CSGALNACT1: variants seen among roughly 807,000 people sequenced by gnomAD.
The protein encoded by CSGALNACT1 is beta4GalNAcT-1.
Under a neutral mutation model 51.0 loss-of-function variants are expected in CSGALNACT1, and 52 were observed. The ratio of observed to expected loss-of-function variants is 1.02; its 90% confidence interval spans 0.82 to 1.29. The LOEUF (loss-of-function observed/expected upper bound fraction) is 1.29, where lower values mean the gene tolerates loss of function less well. Among genes scored for constraint, CSGALNACT1 ranks in the 50% most tolerant of loss-of-function variants. The pLI is 0.00. For synonymous variants in CSGALNACT1, 341 were observed against 254.4 expected (o/e 1.34, Z -3.24); for missense variants, 935 against 679.2 (o/e 1.38, Z -4.19).
Position 19,589,075 on chromosome 8 carries a change from C to CTA in CSGALNACT1, c.-297+2083_-297+2084dup, listed in dbSNP as rs559481578. On this transcript the variant is annotated intron_variant, in intron 3 of 9. Coordinates refer to ENST00000454498, the Ensembl canonical transcript of CSGALNACT1. ...GCTCTTGACAGCAAAGATCGGCTGA[C>CTA]TATGTTTGTGGTCCTTTCCCATATG... Among the ~76,000 whole-genome samples the CTA allele has an allele frequency of 1.3e-3, 198 of 152,242 alleles. 1 individual carries two copies. Among genetic ancestry groups the CTA allele is most frequent in the African/African-American group, 4.2e-3 (174 of 41,532 alleles).
At chr8:19,638,029 C>G (rs1374120827) in intron 1 of CSGALNACT1, among the ~76,000 whole-genome samples, 1 of 152,128 alleles carries the variant, frequency 6.6e-6, no homozygotes, top group Admixed American at 6.5e-5. Context: ...CTTTTGTCAA[C>G]TGATATGAGG....
intron 3 of CSGALNACT1, among the ~76,000 whole-genome samples, chr8:19,542,460 C>T (rs1434269376): frequency 1.3e-5 from 2 of 152,132 alleles, no homozygotes; most frequent in Non-Finnish European, 2.9e-5. Context: ...GACAGTCTCC[C>T]AGTCCCAGAG....
At chr8:19,653,219 G>C (rs1410331466) in intron 1 of CSGALNACT1, among the ~76,000 whole-genome samples, 1 of 152,060 alleles carries the variant, frequency 6.6e-6, no homozygotes, top group Non-Finnish European at 1.5e-5. Context: ...ATTCCCAATG[G>C]ATGGTCACCT....
upstream of CSGALNACT1, among the ~76,000 whole-genome samples, chr8:19,686,542 A>G (rs1427773598): frequency 5.9e-5 from 9 of 151,758 alleles, no homozygotes; most frequent in African/African-American, 2.2e-4. Flanking sequence ...GGCAGAGCCA[A>G]TGCCTGCCTC....
chr8:19,478,413 C>CAAA (rs55767885), intron 4 of CSGALNACT1, among the ~76,000 whole-genome samples: 24 of 70,822 alleles, frequency 3.4e-4, no homozygotes, highest in African/African-American at 1.2e-3. Flanking sequence ...GACTCCGTCT[C>CAAA]AAAAAAAAAA....
chr8:19,724,867 G>A (rs1224462916), intron 1 of CSGALNACT1, among the ~76,000 whole-genome samples: 1 of 152,170 alleles, frequency 6.6e-6, no homozygotes, highest in African/African-American at 2.4e-5. Context: ...AACACAGAGT[G>A]CCACATGTGC....
chr8:19,566,345 C>G (rs1251943774), intron 3 of CSGALNACT1, among the ~76,000 whole-genome samples: 1 of 152,112 alleles, frequency 6.6e-6, no homozygotes, highest in Non-Finnish European at 1.5e-5. Context: ...CTGGAGTCTT[C>G]AGAGGAAGCG....
chr8:19,743,752 G>T (rs1233395126), intron 1 of CSGALNACT1, among the ~76,000 whole-genome samples: 1 of 152,104 alleles, frequency 6.6e-6, no homozygotes, highest in Non-Finnish European at 1.5e-5. Flanking sequence ...TGGCTCCATT[G>T]AATAAAATTA....
At chr8:19,698,055 G>T (rs921375191) in intron 1 of CSGALNACT1, among the ~76,000 whole-genome samples, 3 of 140,330 alleles carry the variant, frequency 2.1e-5, no homozygotes, top group African/African-American at 7.8e-5. Flanking sequence ...TGTTATTCAT[G>T]GGAGCTCCAC....
chr8:19,407,896 G>C (rs1423546854), intron 9 of CSGALNACT1, among the ~76,000 whole-genome samples: 1 of 149,232 alleles, frequency 6.7e-6, no homozygotes, highest in Non-Finnish European at 1.5e-5. Flanking sequence ...GGACATTTGT[G>C]TATATGAATT....
chr8:19,716,302 T>A (rs1218463126), intron 1 of CSGALNACT1, among the ~76,000 whole-genome samples: 1 of 152,134 alleles, frequency 6.6e-6, no homozygotes, highest in East Asian at 1.9e-4. Flanking sequence ...CGGCATATCC[T>A]GTGTGGTAGG....
In CSGALNACT1 at chr8:19,666,831, G is replaced by GAGAGAGAGAAAGAA. The variant is rs1554794476; in HGVS notation, c.-544+15641_-544+15642insTTCTTTCTCTCTCT. ...AGAAAGAGAGAGAGAGAGAGAGAGA[G>GAGAGAGAGAAAGAA]AGAAAGAAAGAAAGAAAGAAAGAAA... On this transcript the variant is annotated intron_variant, in intron 1 of 9. Transcript: ENST00000332246. Among the ~76,000 whole-genome samples, 56 of 24,918 alleles carry GAGAGAGAGAAAGAA rather than the reference G, an allele frequency of 2.2e-3. 1 individual carries two copies. The highest frequency in any genetic ancestry group is 4.6e-3 in the East Asian group (6 of 1,310). The allele number at this position is 24,918 out of a possible 152,430, so 16.3% of individuals were successfully genotyped here. A position where few individuals can be genotyped will look rare whatever the true frequency, so the allele number is the denominator to read the frequency against.
At chr8:19,597,232 G>A (rs2049106591) in intron 2 of CSGALNACT1, among the ~76,000 whole-genome samples, 3 of 146,620 alleles carry the variant, frequency 2.0e-5, no homozygotes, top group Admixed American at 2.0e-4. Context: ...TGCATTTCGT[G>A]TATCCATTCA....
chr8:19,472,656 A>T (rs1307517178), intron 4 of CSGALNACT1, among the ~76,000 whole-genome samples: 1 of 152,254 alleles, frequency 6.6e-6, no homozygotes, highest in African/African-American at 2.4e-5. Context: ...TCAACTCGGC[A>T]ATCAAAAGGA....
At chr8:19,523,684 A>C (rs968386609) in intron 3 of CSGALNACT1, among the ~76,000 whole-genome samples, 1 of 152,160 alleles carries the variant, frequency 6.6e-6, no homozygotes, top group Non-Finnish European at 1.5e-5. Flanking sequence ...GTAATCATCA[A>C]ATATCTATTA....
intron 4 of CSGALNACT1, among the ~76,000 whole-genome samples, chr8:19,499,176 C>G (rs763029506): frequency 6.6e-6 from 1 of 152,110 alleles, no homozygotes; most frequent in Non-Finnish European, 1.5e-5. Flanking sequence ...ATCCTCTGAC[C>G]GACCCATATC....
intron 1 of CSGALNACT1, among the ~76,000 whole-genome samples, chr8:19,609,022 A>C (rs1191138551): frequency 6.6e-6 from 1 of 152,132 alleles, no homozygotes; most frequent in African/African-American, 2.4e-5. Context: ...GTTATGCTCC[A>C]ACTGCAAGGG....
chr8:19,440,604 C>T (rs10086978), intron 5 of CSGALNACT1, among the ~76,000 whole-genome samples: 3,021 of 152,226 alleles, frequency 0.02, 84 homozygotes, highest in African/African-American at 0.069. Context: ...AACACACAGC[C>T]AATATCATAT....
chr8:19,545,086 A>G (rs2086157838), intron 3 of CSGALNACT1, among the ~76,000 whole-genome samples: 1 of 152,060 alleles, frequency 6.6e-6, no homozygotes, highest in African/African-American at 2.4e-5. Flanking sequence ...GTTCTGAAGC[A>G]CAGTGAAGTC....
Sources: allele counts gnomAD v4.1 joint callset (sites outside exome capture counted in the v4.1 genomes callset), GRCh38; gene constraint gnomAD v4.1.1; transcripts MANE v1.5; gene names NCBI Gene and HGNC (gene_info 2026-07-23, HGNC 2026-07-21).